TAFA2: variants seen among roughly 807,000 people sequenced by gnomAD.
TAFA2 encodes the protein TAFA chemokine like family member 2.
In TAFA2, 7 loss-of-function variants were observed where a neutral mutation model predicts 18.8. The observed-to-expected ratio is 0.37, with a 90% CI of 0.21 to 0.70. The LOEUF is 0.70. Ranked by LOEUF, TAFA2 falls within the 30% of genes least tolerant of loss-of-function variation. TAFA2 has a pLI of 0.53. For synonymous variants in TAFA2, 60 were observed against 54.2 expected (o/e 1.11, Z -0.47); for missense variants, 122 against 158.1 (o/e 0.77, Z 1.23).
intron 1 of TAFA2, among the ~76,000 whole-genome samples, chr12:62,055,799 C>A (rs1882173594): frequency 6.6e-6 from 1 of 152,066 alleles, no homozygotes; most frequent in African/African-American, 2.4e-5. Context: ...GATACTAGAA[C>A]ACATCATATC....
chr12:62,051,552 A>C (rs912433381), intron 1 of TAFA2, among the ~76,000 whole-genome samples: 1 of 152,006 alleles, frequency 6.6e-6, no homozygotes, highest in Non-Finnish European at 1.5e-5. Flanking sequence ...TTCCAGGAGA[A>C]ATTCAAAAAT....
chr12:61,764,204 G>C (rs1286878659), intron 2 of TAFA2, among the ~76,000 whole-genome samples: 1 of 143,494 alleles, frequency 7.0e-6, no homozygotes, highest in Non-Finnish European at 1.5e-5. Context: ...AAGGAGAAAT[G>C]GTCCATTTTA....
Position 62,010,871 on chromosome 12 carries a change from G to A in TAFA2, c.-1-143445C>T, listed in dbSNP as rs999953937. ...TGGGAGGTGGGGAGCGCCTCTGCCC[G>A]GCCGCCCTTCGTCTGGGAGGTGGGG... On this transcript the variant is annotated intron_variant, in intron 1 of 4. Coordinates refer to ENST00000416284, the MANE Select transcript of TAFA2 (RefSeq NM_178539.5). Among the ~76,000 whole-genome samples, 14 of 112,896 alleles carry A rather than the reference G, an allele frequency of 1.2e-4. No individual in the cohort carries two copies. In the East Asian group the frequency reaches 1.9e-3, roughly 16 times the overall value. 74.1% of individuals were successfully genotyped at this position (112,896 alleles called of 152,430 possible).
intron 1 of TAFA2, among the ~76,000 whole-genome samples, chr12:61,962,847 C>A (rs559532547): frequency 3.7e-4 from 56 of 151,904 alleles, no homozygotes; most frequent in African/African-American, 1.4e-3. Context: ...TTTGCTGCAC[C>A]CATCAACCCA....
At chr12:62,155,822 A>T (rs555831063) in intron 1 of TAFA2, among the ~76,000 whole-genome samples, 8 of 152,304 alleles carry the variant, frequency 5.3e-5, no homozygotes, top group Middle Eastern at 3.4e-3. Context: ...TAAAACTAAG[A>T]CCTGAAACTA....
chr12:61,982,226 G>C (rs967156551), intron 1 of TAFA2, among the ~76,000 whole-genome samples: 1 of 152,092 alleles, frequency 6.6e-6, no homozygotes, highest in African/African-American at 2.4e-5. Context: ...ACTCATAGGT[G>C]GGAAATGAAC....
chr12:61,808,227 A>G (rs1871707207), intron 2 of TAFA2, among the ~76,000 whole-genome samples: 1 of 151,394 alleles, frequency 6.6e-6, no homozygotes, highest in South Asian at 2.1e-4. Context: ...ATGAGATCTG[A>G]TGATATTATA....
intron 2 of TAFA2, among the ~76,000 whole-genome samples, chr12:61,756,013 G>T (rs777684918): frequency 6.6e-6 from 1 of 152,050 alleles, no homozygotes; most frequent in Non-Finnish European, 1.5e-5. Context: ...AAAAGCAGGA[G>T]ATCTTAAGTT....
At chr12:62,208,254 T>C (rs1169288085) in intron 1 of TAFA2, among the ~76,000 whole-genome samples, 1 of 152,082 alleles carries the variant, frequency 6.6e-6, no homozygotes, top group African/African-American at 2.4e-5. Flanking sequence ...AATTCTATCA[T>C]TTCAGGGGTC....
chr12:61,804,637 G>C (rs1871534893), intron 2 of TAFA2, among the ~76,000 whole-genome samples: 1 of 151,982 alleles, frequency 6.6e-6, no homozygotes, highest in Non-Finnish European at 1.5e-5. Context: ...AAGTTTCTAT[G>C]AAACAAGTTT....
chr12:62,220,350 T>C (rs1413503734), intron 1 of TAFA2, among the ~76,000 whole-genome samples: 1 of 152,086 alleles, frequency 6.6e-6, no homozygotes, highest in Non-Finnish European at 1.5e-5. Flanking sequence ...AATAATGAGA[T>C]ACCACTACAC....
At chr12:61,980,031 C>A (rs1393379420) in intron 1 of TAFA2, among the ~76,000 whole-genome samples, 1 of 152,070 alleles carries the variant, frequency 6.6e-6, no homozygotes, top group Non-Finnish European at 1.5e-5. Context: ...TCAGAAAATT[C>A]TTTTCTTTTA....
chr12:61,936,684 G>T (rs1877782684), intron 1 of TAFA2, among the ~76,000 whole-genome samples: 1 of 151,986 alleles, frequency 6.6e-6, no homozygotes, highest in African/African-American at 2.4e-5. Flanking sequence ...AATTATAAAA[G>T]CCCTATATGA....
intron 1 of TAFA2, among the ~76,000 whole-genome samples, chr12:62,184,315 A>G (rs1228920340): frequency 2.6e-5 from 4 of 152,168 alleles, no homozygotes; most frequent in Admixed American, 6.5e-5. Context: ...AACAACTGTC[A>G]TATAACAGAT....
At position 62,148,646 on chromosome 12, in the gene TAFA2, C is replaced by T. The variant is rs2062304692; in HGVS notation, c.-2+42613G>A. Among the ~76,000 whole-genome samples, 3 of 152,182 alleles carry T rather than the reference C, an allele frequency of 2.0e-5. No homozygotes were observed. The South Asian group carries it at 6.2e-4, about 31-fold the overall frequency. On this transcript the variant is annotated intron_variant, in intron 1 of 4. Coordinates refer to ENST00000416284, the MANE Select transcript of TAFA2 (RefSeq NM_178539.5). ...ATTAGAAGCCCAAACCCCAGCATCACTCAATATACCCATATAACATACCTG... is the reference window on the plus strand; with the variant it reads ...ATTAGAAGCCCAAACCCCAGCATCATTCAATATACCCATATAACATACCTG...
intron 1 of TAFA2, among the ~76,000 whole-genome samples, chr12:62,208,220 A>G (rs183484156): frequency 1.3e-5 from 2 of 152,306 alleles, no homozygotes; most frequent in African/African-American, 4.8e-5. Context: ...ACAAAGGAGA[A>G]AGGTCATCAA....
At chr12:62,237,716 C>T (rs2062844554) in intron 1 of TAFA2, among the ~76,000 whole-genome samples, 1 of 152,144 alleles carries the variant, frequency 6.6e-6, no homozygotes, top group African/African-American at 2.4e-5. Context: ...CCTGTAAGTG[C>T]CCTTAATCCT....
intron 1 of TAFA2, among the ~76,000 whole-genome samples, chr12:62,004,116 T>G (rs902143696): frequency 1.3e-5 from 2 of 152,104 alleles, no homozygotes; most frequent in Admixed American, 6.5e-5. Context: ...CATTACAATA[T>G]TAAGCAAAAA....
chr12:61,869,842 C>T (rs1392361675), intron 1 of TAFA2, among the ~76,000 whole-genome samples: 1 of 152,154 alleles, frequency 6.6e-6, no homozygotes, highest in East Asian at 1.9e-4. Flanking sequence ...CCTGACTCCC[C>T]TCTGCATCTA....
Sources: gnomAD v4.1 joint callset for allele counts (sites outside exome capture counted in the v4.1 genomes callset) on GRCh38, gnomAD v4.1.1 for gene constraint, MANE v1.5 for transcripts, NCBI Gene and HGNC (gene_info 2026-07-23, HGNC 2026-07-21) for gene names.